The following MRPS6 variants were observed in gnomAD, a reference collection of about 807,000 sequenced individuals.
MRPS6 encodes mitochondrial ribosomal protein S6, also known as small ribosomal subunit protein bS6m.
Under a neutral mutation model 13.1 loss-of-function variants are expected in MRPS6, and 6 were observed. The ratio of observed to expected loss-of-function variants is 0.46; its 90% CI spans 0.25 to 0.91. MRPS6 has a LOEUF of 0.91. Ranked by LOEUF, MRPS6 falls within the 40% of genes least tolerant of loss-of-function variation. The pLI is 0.18. For synonymous variants in MRPS6, 61 were observed against 56.5 expected, an observed-to-expected ratio of 1.08 and a Z score of -0.36; for missense variants, 164 against 155.6, an observed-to-expected ratio of 1.05 and a Z score of -0.29.
intron 1 of MRPS6, chr21:34,102,555 A>G (rs1979292896): frequency 1.0e-6 from 1 of 999,824 alleles, no homozygotes; most frequent in Non-Finnish European, 1.2e-6. Context: ...TGTGCACTTT[A>G]CTTTTTGGGC....
rs550905038 is a variant in MRPS6 at position 34,096,411 on chromosome 21, C to T, written c.45+22666C>T. On this transcript the variant is annotated intron_variant, in intron 1 of 2. Coordinates refer to ENST00000399312, the MANE Select transcript of MRPS6 (RefSeq NM_032476.4). This position sits in a 1 kb window ranked among gnomAD's most constrained non-coding sequence, Gnocchi z 5.9. ...ACTTATCCGCAAGAGCGCAAGCTCC[C>T]GGGAGTTAATGATTGTGGGGAGGAT... 48 of 1,614,126 alleles carry T rather than the reference C, an allele frequency of 3.0e-5. No individual in the cohort carries two copies. The highest frequency in any genetic ancestry group is 3.3e-5 in the Non-Finnish European group (39 of 1,180,010).
In MRPS6 at chr21:34,096,810, A is replaced by G; in HGVS notation, c.45+23065A>G. ...GAGCCTTCTCACACCACCTCCCACA[A>G]AGGAACAGATTCGAACCACCACCTT... On this transcript the variant is annotated intron_variant, in intron 1 of 2. Coordinates refer to ENST00000399312, the MANE Select transcript of MRPS6 (RefSeq NM_032476.4). This position sits in a 1 kb window ranked among gnomAD's most constrained non-coding sequence, Gnocchi z 5.9. The G allele has an allele frequency of 6.2e-7, 1 of 1,614,014 alleles. No homozygotes were observed. The highest frequency in any genetic ancestry group is 8.5e-7 in the Non-Finnish European group (1 of 1,179,968).
intron 2 of MRPS6, among the ~76,000 whole-genome samples, chr21:34,131,972 G>C (rs755993472): frequency 2.6e-5 from 4 of 152,234 alleles, no homozygotes; most frequent in Non-Finnish European, 5.9e-5. Context: ...TCATTAACAA[G>C]TTAAGTTTGC....
At chr21:34,089,895 A>G (rs1194501435) in intron 1 of MRPS6, among the ~76,000 whole-genome samples, 2 of 152,240 alleles carry the variant, frequency 1.3e-5, no homozygotes, top group Admixed American at 1.3e-4. Flanking sequence ...TTTATATTTT[A>G]GGGATGGTTA....
chr21:34,084,761 A>G (rs564427814), intron 1 of MRPS6, among the ~76,000 whole-genome samples: 86 of 152,260 alleles, frequency 5.6e-4, no homozygotes, highest in African/African-American at 2.0e-3. Flanking sequence ...TCAACTGTTA[A>G]TTTCCAGTCT....
intron 1 of MRPS6, chr21:34,100,894 CA>C: frequency 2.0e-6 from 2 of 1,000,158 alleles, no homozygotes; most frequent in Non-Finnish European, 2.4e-6. Context: ...ACTTGCTACT[CA>C]AAGGTTAGGT....
chr21:34,092,746 C>G (rs1476780640), intron 1 of MRPS6, among the ~76,000 whole-genome samples: 1 of 152,222 alleles, frequency 6.6e-6, no homozygotes, highest in East Asian at 1.9e-4. Flanking sequence ...GCTACTATGA[C>G]ACATAACCCA....
At chr21:34,076,291 A>G (rs192974643) in intron 1 of MRPS6, among the ~76,000 whole-genome samples, 2 of 151,798 alleles carry the variant, frequency 1.3e-5, no homozygotes, top group East Asian at 3.9e-4. Flanking sequence ...TTTTTTTTTG[A>G]CCCTAGCTTG....
At chr21:34,103,821 A>G (rs1317550885) in intron 1 of MRPS6, 3 of 1,000,042 alleles carry the variant, frequency 3.0e-6, no homozygotes, top group South Asian at 4.7e-5. Flanking sequence ...AAATGTCAAG[A>G]ATGCCAAAAT....
intron 1 of MRPS6, among the ~76,000 whole-genome samples, chr21:34,081,392 C>CGT (rs1989455725): frequency 6.6e-6 from 1 of 152,036 alleles, no homozygotes; most frequent in African/African-American, 2.4e-5. Context: ...ACTTAAGGTA[C>CGT]GTATATATAG....
intron 2 of MRPS6, among the ~76,000 whole-genome samples, chr21:34,137,910 T>C (rs1274038717): frequency 2.6e-5 from 4 of 152,240 alleles, no homozygotes; most frequent in Non-Finnish European, 5.9e-5. Flanking sequence ...ACATTTTTTT[T>C]CAAATGTTAA....
Position 34,125,417 on chromosome 21 carries a change from AC to A in MRPS6, c.124del (p.Leu42TrpfsTer45). 6.2e-7 allele frequency: 1 copy of A among 1,614,016 alleles called. No individual in the cohort carries two copies. Among genetic ancestry groups the A allele is most frequent in the South Asian group, 1.1e-5 (1 of 91,070 alleles). ...GGAGCAATAGTGAGGGACTTGGAAAACCTGGGTGAACGAGCGCTTCCTTATA... is the reference window on the plus strand; with the variant it reads ...GGAGCAATAGTGAGGGACTTGGAAAACTGGGTGAACGAGCGCTTCCTTATA... ...DRGAIVRDLENLGERALPYRI... is the reference protein window; with the variant it reads ...DRGAIVRDLEXLGERALPYRI... On this transcript the variant is annotated frameshift_variant, in exon 2 of 3. Coordinates refer to ENST00000399312, the MANE Select transcript of MRPS6 (RefSeq NM_032476.4). LOFTEE classifies it high-confidence loss of function.
At chr21:34,097,713 C>T (rs1979035289) in intron 1 of MRPS6, 1 of 1,012,346 alleles carries the variant, frequency 9.9e-7, no homozygotes. Flanking sequence ...CAGACCTTAC[C>T]CTGAAGTAGA....
At chr21:34,126,164 GCT>G (rs10557991) in intron 2 of MRPS6, among the ~76,000 whole-genome samples, 3,261 of 152,312 alleles carry the variant, frequency 0.021, 124 homozygotes, top group African/African-American at 0.073. Context: ...AGAAGAGTCA[GCT>G]CTCTCTGGCA....
intron 2 of MRPS6, chr21:34,136,033 G>A (rs1461089849): frequency 3.7e-6 from 1 of 273,600 alleles, no homozygotes; most frequent in Non-Finnish European, 7.1e-6. Context: ...TGGTGTCAGG[G>A]GTCTCTACCA....
chr21:34,074,532 G>A (rs1359874516), intron 1 of MRPS6, among the ~76,000 whole-genome samples: 2 of 152,204 alleles, frequency 1.3e-5, no homozygotes, highest in Non-Finnish European at 2.9e-5. Context: ...CCTTTCAGGT[G>A]ACGGCGTGGC....
At chr21:34,125,665 C>T (rs1252305503) in intron 2 of MRPS6, among the ~76,000 whole-genome samples, 185 bp downstream of exon 2, 2 of 152,174 alleles carry the variant, frequency 1.3e-5, no homozygotes, top group Non-Finnish European at 2.9e-5. Context: ...CCTTCGTGGA[C>T]TATGATCTGA....
chr21:34,136,671 A>G (rs1354190718), intron 2 of MRPS6, among the ~76,000 whole-genome samples: 1 of 152,096 alleles, frequency 6.6e-6, no homozygotes, highest in East Asian at 1.9e-4. Flanking sequence ...TTAAGTTTTG[A>G]GAGTTATTTG....
At position 34,121,368 on chromosome 21, in the gene MRPS6, T is replaced by C. The variant is rs185738400; in HGVS notation, c.46-3973T>C. ...AATTTAGCAGATGAGGAAACTGAGGTACAAGTTTAAAATTGATAAATTTTA... is the reference window on the plus strand; with the variant it reads ...AATTTAGCAGATGAGGAAACTGAGGCACAAGTTTAAAATTGATAAATTTTA... On this transcript the variant is annotated intron_variant, in intron 1 of 2. Transcript: ENST00000399312. Among the ~76,000 whole-genome samples the C allele has an allele frequency of 2.1e-3, 318 of 152,322 alleles. 1 individual carries two copies. The highest frequency in any genetic ancestry group is 2.9e-3 in the Non-Finnish European group (200 of 68,028).
Sources: gnomAD v4.1 joint callset for allele counts (sites outside exome capture counted in the v4.1 genomes callset) on GRCh38, gnomAD v4.1.1 for gene constraint, Gnocchi (gnomAD v3.1) non-coding constraint, MANE v1.5 for transcripts, NCBI Gene and HGNC (gene_info 2026-07-23, HGNC 2026-07-21) for gene names.